CDH13: variants seen among roughly 807,000 people sequenced by gnomAD.
The protein encoded by CDH13 is cadherin 13.
A neutral mutation model predicts 63.8 loss-of-function variants in CDH13; 24 were observed. The ratio of observed to expected loss-of-function variants is 0.38; its 90% CI spans 0.27 to 0.53. The LOEUF is 0.53. CDH13 is among the 20% of genes least tolerant of loss of function. The pLI is 0.85. For missense variants in CDH13, 1,049 were observed against 903.1 expected, an observed-to-expected ratio of 1.16 and a Z score of -2.07; for synonymous variants, 503 against 355.3, an observed-to-expected ratio of 1.42 and a Z score of -4.67.
At chr16:82,851,913 C>G (rs1326488031) in intron 1 of CDH13, among the ~76,000 whole-genome samples, 1 of 152,200 alleles carries the variant, frequency 6.6e-6, no homozygotes, top group African/African-American at 2.4e-5. Flanking sequence ...TCTCAATACA[C>G]TGACTTTAAC....
At chr16:83,415,312 A>G (rs1353891358) in intron 6 of CDH13, among the ~76,000 whole-genome samples, 1 of 152,162 alleles carries the variant, frequency 6.6e-6, no homozygotes, top group Non-Finnish European at 1.5e-5. Context: ...AGTAAAGCTT[A>G]AGACCAGATG....
intron 13 of CDH13, among the ~76,000 whole-genome samples, chr16:83,783,915 G>A (rs528346679): frequency 3.3e-5 from 5 of 152,306 alleles, no homozygotes; most frequent in East Asian, 1.9e-4. Flanking sequence ...AGGGTGGGCT[G>A]CAGGGAAAAT....
At chr16:83,552,529 G>A (rs911060873) in intron 7 of CDH13, among the ~76,000 whole-genome samples, 18 of 152,158 alleles carry the variant, frequency 1.2e-4, no homozygotes, top group Non-Finnish European at 1.8e-4. Flanking sequence ...TGATACCGCA[G>A]AATATAGAGA....
rs572141964 is a variant in CDH13 at position 83,087,443 on chromosome 16, G to T, written c.367-37942G>T. On this transcript the variant is annotated intron_variant, in intron 3 of 13. Coordinates refer to ENST00000567109, the MANE Select transcript of CDH13 (RefSeq NM_001257.5). ...CCAGCACTTTGAGAGGCCGAGGCGG[G>T]CAGATCACGAGGTCAGGAGTTCGAG... Among the ~76,000 whole-genome samples, 9 of 152,142 alleles carry T rather than the reference G, an allele frequency of 5.9e-5. No homozygotes were observed. In the East Asian group the frequency reaches 1.7e-3, roughly 29 times the overall value.
chr16:82,736,514 C>T (rs1422260525), intron 1 of CDH13, among the ~76,000 whole-genome samples: 1 of 152,148 alleles, frequency 6.6e-6, no homozygotes, highest in Non-Finnish European at 1.5e-5. Flanking sequence ...AGCACTGCCA[C>T]ACACAGACAT....
intron 2 of CDH13, among the ~76,000 whole-genome samples, chr16:82,958,383 G>T (rs907231693): frequency 6.6e-6 from 1 of 152,214 alleles, no homozygotes; most frequent in Non-Finnish European, 1.5e-5. Flanking sequence ...GTAAAAAGGA[G>T]AGGATGCGGT....
At chr16:83,394,835 T>A (rs2091854951) in intron 6 of CDH13, among the ~76,000 whole-genome samples, 1 of 151,938 alleles carries the variant, frequency 6.6e-6, no homozygotes, top group South Asian at 2.1e-4. Context: ...GGATGGTGTG[T>A]GTGGTTCAAG....
In CDH13 at chr16:83,406,783, G is replaced by A. The variant is rs116282447; in HGVS notation, c.781+61777G>A. 3.5e-3 allele frequency among the ~76,000 whole-genome samples: 530 copies of A among 152,204 alleles called. 7 individuals carry two copies. Among genetic ancestry groups the A allele is most frequent in the African/African-American group, 0.012 (511 of 41,538 alleles). ...ACCCAGCCAGCTCTGCCTCTTTCTAGCTGAGGATTCTGTAACAAGCCAGTC... is the reference window on the plus strand; with the variant it reads ...ACCCAGCCAGCTCTGCCTCTTTCTAACTGAGGATTCTGTAACAAGCCAGTC... On this transcript the variant is annotated intron_variant, in intron 6 of 13. Coordinates refer to ENST00000567109, the MANE Select transcript of CDH13 (RefSeq NM_001257.5).
At chr16:83,181,409 G>C (rs2038345200) in intron 4 of CDH13, among the ~76,000 whole-genome samples, 1 of 152,158 alleles carries the variant, frequency 6.6e-6, no homozygotes, top group Non-Finnish European at 1.5e-5. Flanking sequence ...GTGCCCAGGT[G>C]CCCCATAAAG....
chr16:83,493,516 C>A (rs2074067066), intron 7 of CDH13, among the ~76,000 whole-genome samples: 2 of 152,148 alleles, frequency 1.3e-5, no homozygotes, highest in South Asian at 4.1e-4. Context: ...CAAACCGAAC[C>A]TTGATGGCTG....
chr16:83,372,824 G>C (rs1387729436), intron 6 of CDH13, among the ~76,000 whole-genome samples: 1 of 151,588 alleles, frequency 6.6e-6, no homozygotes, highest in Non-Finnish European at 1.5e-5. Context: ...TTTCTGTGGG[G>C]AAACTTGCAA....
chr16:82,943,741 T>A (rs1211111518), intron 2 of CDH13, among the ~76,000 whole-genome samples: 2 of 152,242 alleles, frequency 1.3e-5, no homozygotes, highest in African/African-American at 2.4e-5. Flanking sequence ...AGATAGAATT[T>A]GGACTGCTGC....
chr16:83,750,283 G>T (rs998366029), intron 11 of CDH13, among the ~76,000 whole-genome samples: 2 of 152,076 alleles, frequency 1.3e-5, no homozygotes, highest in African/African-American at 4.8e-5. Flanking sequence ...GTGACAGAGT[G>T]AGACTCCATC....
intron 8 of CDH13, among the ~76,000 whole-genome samples, chr16:83,646,692 CAAAAAAAAA>C (rs199756336): frequency 2.9e-4 from 21 of 72,688 alleles, no homozygotes; most frequent in East Asian, 8.9e-4. Context: ...GACTCCGTCT[CAAAAAAAAA>C]AAAAAAAAAA....
chr16:83,718,753 T>C lies in CDH13; in HGVS notation c.1539-29355T>C, dbSNP rs138056093. ...GTTTTTTCAGGGTCTTATCAGCCCC[T>C]AGCTTCTGCAGCTATTTCAACATTT... On this transcript the variant is annotated intron_variant, in intron 10 of 13. Coordinates refer to ENST00000567109, the MANE Select transcript of CDH13 (RefSeq NM_001257.5). Among the ~76,000 whole-genome samples the C allele has an allele frequency of 6.6e-4, 101 of 152,314 alleles. 1 individual carries two copies. Among genetic ancestry groups the C allele is most frequent in the Middle Eastern group, 6.8e-3 (2 of 294 alleles).
chr16:82,983,850 G>A lies in CDH13; in HGVS notation c.158-48160G>A, dbSNP rs117400412. On this transcript the variant is annotated intron_variant, in intron 2 of 13. Coordinates refer to ENST00000567109, the MANE Select transcript of CDH13 (RefSeq NM_001257.5). ...CTGACTGTAAGGGGGAAATGGATTT[G>A]CTCATGGACCTTTCAGCAGAGGGAA... Among the ~76,000 whole-genome samples the A allele has an allele frequency of 7.5e-3, 1,144 of 152,326 alleles. 7 individuals are homozygous for A. The highest frequency in any genetic ancestry group is 0.014 in the Admixed American group (218 of 15,300).
chr16:83,514,799 G>C (rs148000163), intron 7 of CDH13, among the ~76,000 whole-genome samples: 90 of 152,262 alleles, frequency 5.9e-4, no homozygotes, highest in Admixed American at 1.2e-3. Flanking sequence ...TAGGATAGAG[G>C]CCGGGAACAG....
chr16:83,098,605 G>T (rs2034320558), intron 3 of CDH13, among the ~76,000 whole-genome samples: 2 of 152,030 alleles, frequency 1.3e-5, no homozygotes, highest in African/African-American at 4.8e-5. Context: ...TTCAATAATG[G>T]GAGATATCTT....
At chr16:83,262,274 T>G (rs927558858) in intron 5 of CDH13, among the ~76,000 whole-genome samples, 4 of 152,174 alleles carry the variant, frequency 2.6e-5, no homozygotes. Context: ...TGGGCCTCCA[T>G]GTCTCTGATT....
Sources: allele counts gnomAD v4.1 joint callset (sites outside exome capture counted in the v4.1 genomes callset), GRCh38; gene constraint gnomAD v4.1.1; transcripts MANE v1.5; gene names NCBI Gene and HGNC (gene_info 2026-07-23, HGNC 2026-07-21).